Variants in VGLL1 observed in about 807,000 individuals in gnomAD.
VGLL1 encodes vestigial like family member 1, also known as transcription cofactor vestigial-like protein 1.
A neutral mutation model predicts 12.0 loss-of-function variants in VGLL1; 4 were observed. The observed-to-expected ratio is 0.33, with a 90% CI of 0.16 to 0.76. The LOEUF (loss-of-function observed/expected upper bound fraction) is 0.76. Ranked by LOEUF, VGLL1 falls within the 30% of genes least tolerant of loss-of-function variation. The pLI, the probability that VGLL1 is intolerant of heterozygous loss-of-function variation, is 0.60. For missense variants in VGLL1, 204 were observed against 208.7 expected, an observed-to-expected ratio of 0.98 and a Z score of 0.14; for synonymous variants, 87 against 81.2, an observed-to-expected ratio of 1.07 and a Z score of -0.39.
chrX:136,536,517 T>A (rs2075840311), intron 2 of VGLL1, among the ~76,000 whole-genome samples: 1 of 111,361 alleles, frequency 9.0e-6, no homozygotes, highest in South Asian at 3.8e-4. Flanking sequence ...AAACTGTTCC[T>A]TGTCTGCAAA....
Position 136,548,672 on chromosome X carries a change from G to T in VGLL1, c.298G>T (p.Ala100Ser), listed in dbSNP as rs200088691. ...AGAAGTACCTGTCACAAACCGTGCC[G>T]CCAACTGCAACTTGCATGTGCCTGG... ...QPEVPVTNRA[A>S]NCNLHVPGPM... The change falls in exon 3 of 5, where the codon GCC becomes TCC. Residue 100 changes from alanine to serine, a missense_variant. Transcript: ENST00000370634. The T allele has an allele frequency of 2.5e-6, 3 of 1,210,366 alleles. No individual in the cohort carries two copies. Among genetic ancestry groups the T allele is most frequent in the Non-Finnish European group, 3.4e-6 (3 of 895,321 alleles).
chrX:136,556,328 CCT>C, intron 4 of VGLL1, 121 bp from the exon 5 acceptor site: 1 of 468,394 alleles, frequency 2.1e-6, no homozygotes, highest in Non-Finnish European at 3.6e-6. Context: ...GTCTTCCCTT[CCT>C]CTGAGGTTGA....
At chrX:136,546,221 G>A (rs189196123) in intron 2 of VGLL1, among the ~76,000 whole-genome samples, 1 of 111,990 alleles carries the variant, frequency 8.9e-6, no homozygotes, top group African/African-American at 3.2e-5. Context: ...ATCACTTTTA[G>A]TAGCAGCAGC....
chrX:136,555,073 C>T (rs150746957), intron 4 of VGLL1, among the ~76,000 whole-genome samples: 1,731 of 111,548 alleles, frequency 0.016, 20 homozygotes, highest in Middle Eastern at 0.078. Context: ...GAGGAACAAA[C>T]GGAGGAGACT....
intron 2 of VGLL1, among the ~76,000 whole-genome samples, chrX:136,537,488 A>G (rs1047655485): frequency 8.9e-6 from 1 of 112,132 alleles, no homozygotes; most frequent in Non-Finnish European, 1.9e-5. Context: ...AATCATGTTA[A>G]ATGCTGGGTT....
Position 136,532,661 on chromosome X carries a change from CT to C in VGLL1, c.-26+370del, listed in dbSNP as rs202001013. ...TCTTTCTTTCTTTCTTTCTTTCTTT[CT>C]TTTTCTTTCTTTCTTCTTTCTTTCT... is the stretch of plus-strand genomic sequence containing the variant. On this transcript the variant is annotated intron_variant, in intron 1 of 4. Coordinates refer to ENST00000370634, the MANE Select transcript of VGLL1 (RefSeq NM_016267.4). 1.0e-3 allele frequency among the ~76,000 whole-genome samples: 63 copies of C among 60,710 alleles called. 1 individual carries two copies. Among genetic ancestry groups the C allele is most frequent in the Admixed American group, 8.6e-3 (42 of 4,910 alleles). The allele number at this position is 60,710 out of a possible 115,157, so 52.7% of individuals were successfully genotyped here. A position where few individuals can be genotyped will look rare whatever the true frequency, so the allele number is the denominator to read the frequency against.
intron 2 of VGLL1, among the ~76,000 whole-genome samples, chrX:136,548,283 G>C (rs1386988025): frequency 8.9e-6 from 1 of 111,983 alleles, no homozygotes; most frequent in East Asian, 2.8e-4. Flanking sequence ...TTACAGGCAT[G>C]AGCCACTGTG....
At chrX:136,535,970 A>G in intron 1 of VGLL1, 26 bp from the exon 2 acceptor site, 1 of 1,137,947 alleles carries the variant, frequency 8.8e-7, no homozygotes, top group Non-Finnish European at 1.2e-6. Context: ...AAATAGTGCC[A>G]GTGACATTTT....
At chrX:136,536,437 G>A (rs1043287391) in intron 2 of VGLL1, among the ~76,000 whole-genome samples, 1 of 111,538 alleles carries the variant, frequency 9.0e-6, no homozygotes, top group Non-Finnish European at 1.9e-5. Flanking sequence ...TACCTCCCCA[G>A]CACTGTCCTC....
intron 2 of VGLL1, among the ~76,000 whole-genome samples, chrX:136,538,228 C>G (rs2075845768): frequency 1.8e-5 from 2 of 112,212 alleles, no homozygotes; most frequent in African/African-American, 6.5e-5. Context: ...TTCACGGACC[C>G]TGGACACTTT....
At chrX:136,553,044 C>T (rs1025833647) in intron 4 of VGLL1, among the ~76,000 whole-genome samples, 1 of 111,429 alleles carries the variant, frequency 9.0e-6, no homozygotes, top group African/African-American at 3.3e-5. Flanking sequence ...CCAACAGGCC[C>T]AAGTCTGCCT....
chrX:136,538,396 G>A (rs1165252860), intron 2 of VGLL1, among the ~76,000 whole-genome samples: 1 of 112,181 alleles, frequency 8.9e-6, no homozygotes, highest in East Asian at 2.8e-4. Flanking sequence ...AAACATTTTT[G>A]TGGGCCCCTA....
chrX:136,544,479 C>T (rs1472930764), intron 2 of VGLL1, among the ~76,000 whole-genome samples: 2 of 112,132 alleles, frequency 1.8e-5, no homozygotes, highest in African/African-American at 6.5e-5. Context: ...GCATTCTTTG[C>T]AATATTGGGG....
intron 4 of VGLL1, among the ~76,000 whole-genome samples, chrX:136,551,197 G>C (rs921186730): frequency 9.1e-6 from 1 of 109,547 alleles, no homozygotes; most frequent in Non-Finnish European, 1.9e-5. Flanking sequence ...TGTCCCAGAT[G>C]TTCAGTTTTC....
chrX:136,532,581 CTTTCTTTCTTTCT>C (rs2075825918), intron 1 of VGLL1, among the ~76,000 whole-genome samples: 2 of 9,997 alleles, frequency 2.0e-4, no homozygotes, highest in Admixed American at 2.8e-3. Flanking sequence ...ATATTTCTTT[CTTTCTTTCTTTCT>C]TTCTTTCTTT....
chrX:136,554,167 G>A (rs1347131235), intron 4 of VGLL1, among the ~76,000 whole-genome samples: 1 of 111,544 alleles, frequency 9.0e-6, no homozygotes, highest in Non-Finnish European at 1.9e-5. Flanking sequence ...GTTATGATAA[G>A]TGGAGTGAGG....
At chrX:136,547,638 G>C (rs1427656096) in intron 2 of VGLL1, among the ~76,000 whole-genome samples, 2 of 111,809 alleles carry the variant, frequency 1.8e-5, no homozygotes, top group African/African-American at 6.5e-5. Context: ...AGAGTTGTGT[G>C]AGTGACCAGC....
At chrX:136,538,101 A>G (rs1345795937) in intron 2 of VGLL1, among the ~76,000 whole-genome samples, 1 of 111,620 alleles carries the variant, frequency 9.0e-6, no homozygotes, top group East Asian at 2.8e-4. Flanking sequence ...TAAGAAATAA[A>G]CAGTCGTACA....
intron 4 of VGLL1, among the ~76,000 whole-genome samples, chrX:136,555,145 A>G (rs2075897742): frequency 8.9e-6 from 1 of 112,267 alleles, no homozygotes; most frequent in Non-Finnish European, 1.9e-5. Context: ...AACAGAAGCT[A>G]AAAGAGGTGA....
Sources: allele counts gnomAD v4.1 joint callset (sites outside exome capture counted in the v4.1 genomes callset), GRCh38; gene constraint gnomAD v4.1.1; transcripts MANE v1.5; gene names NCBI Gene and HGNC (gene_info 2026-07-23, HGNC 2026-07-21).